PLXNA2: variants seen among roughly 807,000 people sequenced by gnomAD.
The protein encoded by PLXNA2 is plexin-A2.
In PLXNA2, 91 loss-of-function variants were observed where a neutral mutation model predicts 193.5. That is an observed-to-expected ratio of 0.47 (90% CI 0.40 to 0.56). The LOEUF is 0.56. Ranked by LOEUF, PLXNA2 falls within the 20% of genes least tolerant of loss-of-function variation. PLXNA2 has a pLI of 0.00. For synonymous variants in PLXNA2, 997 were observed against 1,027.3 expected (o/e 0.97, Z 0.56); for missense variants, 1,995 against 2,503.2 (o/e 0.80, Z 4.33).
intron 3 of PLXNA2, among the ~76,000 whole-genome samples, chr1:208,155,368 G>A (rs201718574): frequency 1.3e-5 from 2 of 152,128 alleles, no homozygotes; most frequent in Admixed American, 1.3e-4. Context: ...GCAGCTCGGG[G>A]CAAACCTACC....
chr1:208,209,700 A>C (rs79758935), intron 3 of PLXNA2, among the ~76,000 whole-genome samples: 1,952 of 152,206 alleles, frequency 0.013, 62 homozygotes, highest in East Asian at 0.12. Context: ...GGCAGCTTAC[A>C]TCTGGGTGGG....
In PLXNA2 at chr1:208,044,422, A is replaced by T; in HGVS notation, c.3874+86T>A. The T allele has an allele frequency of 1.1e-6, 1 of 921,598 alleles. No individual in the cohort carries two copies. Among genetic ancestry groups the T allele is most frequent in the Non-Finnish European group, 1.7e-6 (1 of 575,014 alleles). 57.1% of individuals were successfully genotyped at this position (921,598 alleles called of 1,614,324 possible). On this transcript the variant is annotated intron_variant, in intron 20 of 31. Transcript: ENST00000367033. The surrounding 1 kb of genome is among the most constrained non-coding windows in gnomAD (Gnocchi z 4.9). ...AGGCATGGCTGGCAGCGATGGGAGT[A>T]AAGATAGGAGTTGTCTGCAGGGAGA... is the stretch of plus-strand genomic sequence containing the variant.
intron 26 of PLXNA2, among the ~76,000 whole-genome samples, chr1:208,036,073 G>T (rs1664661685): frequency 1.3e-5 from 2 of 152,320 alleles, no homozygotes; most frequent in Admixed American, 1.3e-4. Context: ...CCTGGAAGGT[G>T]CCAAGGCTCC....
rs948746551 is a variant in PLXNA2 at position 208,038,318 on chromosome 1, C to T, written c.4764+53G>A. The T allele has an allele frequency of 1.9e-5, 24 of 1,260,146 alleles. No homozygotes were observed. The highest frequency in any genetic ancestry group is 1.9e-4 in the Middle Eastern group (1 of 5,374). 78.1% of individuals were successfully genotyped at this position (1,260,146 alleles called of 1,614,324 possible). On this transcript the variant is annotated intron_variant, in intron 26 of 31. Transcript: ENST00000367033. The surrounding 1 kb of genome is among the most constrained non-coding windows in gnomAD (Gnocchi z 4.1). Reference sequence around the variant, plus strand: ...TTTGAGGCCTTAGAGCAAGGCTTAGCGGGAAGGGAACATTCTGGGAAGCTG... The same window carrying T: ...TTTGAGGCCTTAGAGCAAGGCTTAGTGGGAAGGGAACATTCTGGGAAGCTG...
At chr1:208,081,782 C>G (rs906073726) in intron 11 of PLXNA2, among the ~76,000 whole-genome samples, 8 of 152,202 alleles carry the variant, frequency 5.3e-5, no homozygotes, top group African/African-American at 1.7e-4. Context: ...TCACTTTTAT[C>G]ATTCTCGAGA....
In PLXNA2 at chr1:208,236,677, G is replaced by C. The variant is rs1671867315; in HGVS notation, c.-81+6966C>G. Among the ~76,000 whole-genome samples the C allele has an allele frequency of 1.3e-5, 2 of 152,212 alleles. No individual in the cohort carries two copies. The highest frequency in any genetic ancestry group is 4.8e-5 in the African/African-American group (2 of 41,444). On this transcript the variant is annotated intron_variant, in intron 1 of 31. Coordinates refer to ENST00000367033, the MANE Select transcript of PLXNA2 (RefSeq NM_025179.4). The surrounding 1 kb of genome is among the most constrained non-coding windows in gnomAD (Gnocchi z 4.4). ...AGTGAGTTGTCTACCACTCTCAGAA[G>C]CACTGGGGTTACAGCTCCTCATCCA...
At chr1:208,124,307 C>T (rs1394310715) in intron 4 of PLXNA2, among the ~76,000 whole-genome samples, 1 of 152,132 alleles carries the variant, frequency 6.6e-6, no homozygotes, top group African/African-American at 2.4e-5. Flanking sequence ...ATCTGTACAA[C>T]AAATTCCCAT....
At chr1:208,027,362 G>A (rs765812806) in intron 31 of PLXNA2, 24 bp from the exon 32 acceptor site, 2 of 1,597,344 alleles carry the variant, frequency 1.3e-6, no homozygotes, top group African/African-American at 2.7e-5. Context: ...ACAAAGGCAG[G>A]AAGACTTCAG....
chr1:208,052,296 G>A (rs1157374289), intron 15 of PLXNA2, 31 bp downstream of exon 15: 1 of 1,607,906 alleles, frequency 6.2e-7, no homozygotes, highest in Non-Finnish European at 8.5e-7. Flanking sequence ...CAGATGTGCA[G>A]TCTTCTGGTG....
intron 2 of PLXNA2, among the ~76,000 whole-genome samples, chr1:208,212,585 G>A (rs1389655883): frequency 6.6e-6 from 1 of 152,214 alleles, no homozygotes; most frequent in African/African-American, 2.4e-5. Flanking sequence ...GACATCCCAT[G>A]ATGCTTGAAA....
intron 3 of PLXNA2, among the ~76,000 whole-genome samples, chr1:208,169,766 C>T (rs1032788942): frequency 4.6e-5 from 7 of 151,874 alleles, no homozygotes; most frequent in African/African-American, 9.7e-5. Flanking sequence ...ATTCTAGCCC[C>T]GATTATGGTG....
rs764053618 is a variant in PLXNA2 at position 208,096,845 on chromosome 1, C to T, written c.1770G>A (p.Ala590=). Residue 590 remains alanine, a synonymous_variant, in exon 7 of 32, where the codon GCG becomes GCA. Coordinates refer to ENST00000367033, the MANE Select transcript of PLXNA2 (RefSeq NM_025179.4). ...GGTTCCCAAAGGCACAGGCGATACCCGCAGATAGATCAGGAGCATCACTCA... is the reference window on the plus strand; with the variant it reads ...GGTTCCCAAAGGCACAGGCGATACCTGCAGATAGATCAGGAGCATCACTCA... ...LVVSDAPDLS[A]GIACAFGNLT... is the part of the protein sequence containing the mutation. The T allele has an allele frequency of 5.6e-6, 9 of 1,613,936 alleles. No homozygotes were observed. Among genetic ancestry groups the T allele is most frequent in the African/African-American group, 4.0e-5 (3 of 74,918 alleles).
At chr1:208,091,850 T>C (rs1279290562) in intron 9 of PLXNA2, among the ~76,000 whole-genome samples, 2 of 138,174 alleles carry the variant, frequency 1.4e-5, no homozygotes, top group African/African-American at 2.7e-5. Context: ...AGCCTGGCGA[T>C]AGAGCGAGAC....
chr1:208,055,407 G>A (rs956800873), intron 13 of PLXNA2, among the ~76,000 whole-genome samples: 13 of 152,262 alleles, frequency 8.5e-5, no homozygotes, highest in African/African-American at 3.1e-4. Flanking sequence ...GTGGGCAGCT[G>A]AGGATGGGGA....
chr1:208,096,744 A>T lies in PLXNA2; in HGVS notation c.1871T>A (p.Ile624Asn), dbSNP rs1558189690. 3 of 1,614,038 alleles carry T rather than the reference A, an allele frequency of 1.9e-6. No homozygotes were observed. Among genetic ancestry groups the T allele is most frequent in the Non-Finnish European group, 1.7e-6 (2 of 1,180,016 alleles). ...ATATTTCTTACCTTGATCCAGCGGG[A>T]TGACAGGGACATCCTTGGGCCCAGG... ...ISPGPKDVPV[I>N]PLDQDWFGLE... Residue 624 changes from isoleucine to asparagine, a missense_variant, in exon 7 of 32, where the codon ATC (isoleucine) becomes AAC (asparagine). Physicochemically the swap from Ile to Asn is moderately radical, Grantham distance 149. This residue lies in a region of PLXNA2 where 702 missense variants were observed against 812.9 expected (regional missense o/e 0.86). Transcript: ENST00000367033.
At chr1:208,041,781 A>G (rs1394919100) in intron 22 of PLXNA2, among the ~76,000 whole-genome samples, 1 of 152,228 alleles carries the variant, frequency 6.6e-6, no homozygotes, top group African/African-American at 2.4e-5. Context: ...CTAGGAGGAA[A>G]CTAAACAACA....
chr1:208,191,139 T>G (rs1335893365), intron 3 of PLXNA2, among the ~76,000 whole-genome samples: 1 of 152,238 alleles, frequency 6.6e-6, no homozygotes, highest in Non-Finnish European at 1.5e-5. Flanking sequence ...GCCTGAATCA[T>G]GTGCACTCCC....
chr1:208,033,034 C>T (rs201183905), intron 28 of PLXNA2, among the ~76,000 whole-genome samples: 5 of 146,698 alleles, frequency 3.4e-5, no homozygotes, highest in African/African-American at 1.0e-4. Flanking sequence ...CTCTCTCTCT[C>T]TTTTTTTTTT....
Position 208,217,891 on chromosome 1 carries a change from A to G in PLXNA2, c.32T>C (p.Leu11Pro), listed in dbSNP as rs577372550. Reference sequence around the variant, plus strand: ...GACCACAGAGCGGCTGTCCACCTCCAGGGCCCGGGGCCAGGGCCGCCTCTG... The same window carrying G: ...GACCACAGAGCGGCTGTCCACCTCCGGGGCCCGGGGCCAGGGCCGCCTCTG... Reference protein sequence around the residue: MEQRRPWPRALEVDSRSVVLL... With the variant: MEQRRPWPRAPEVDSRSVVLL... The change falls in exon 2 of 32, where the codon CTG becomes CCG. Residue 11 changes from leucine to proline, a missense_variant. By Grantham distance (98) the Leu-to-Pro change is moderately conservative. This residue lies in a region of PLXNA2 where 702 missense variants were observed against 812.9 expected (regional missense o/e 0.86). Transcript: ENST00000367033. This position sits in a 1 kb window ranked among gnomAD's most constrained non-coding sequence, Gnocchi z 4.7. 2.1e-5 allele frequency: 34 copies of G among 1,611,368 alleles called. No homozygotes were observed. In the East Asian group the frequency reaches 6.5e-4, roughly 31 times the overall value.
Sources: allele counts gnomAD v4.1 joint callset (sites outside exome capture counted in the v4.1 genomes callset), GRCh38; gene constraint gnomAD v4.1.1; regional missense constraint gnomAD v4.1.1; non-coding constraint Gnocchi (gnomAD v3.1); transcripts MANE v1.5; gene names NCBI Gene and HGNC (gene_info 2026-07-23, HGNC 2026-07-21).